The following CSMD3 variants were observed in gnomAD, a reference collection of about 807,000 sequenced individuals.
CSMD3 encodes the protein CUB and Sushi multiple domains 3.
CSMD3 carries 177 observed loss-of-function variants against 435.2 expected under a neutral mutation model. The observed-to-expected ratio is 0.41, with a 90% CI of 0.36 to 0.46. The LOEUF (loss-of-function observed/expected upper bound fraction) is 0.46, where lower values mean the gene tolerates loss of function less well. CSMD3 is among the 20% of genes least tolerant of loss of function. The pLI is 0.34. For missense variants in CSMD3, 4,265 were observed against 4,504.6 expected, an observed-to-expected ratio of 0.95 and a Z score of 1.52; for synonymous variants, 1,656 against 1,520.5, an observed-to-expected ratio of 1.09 and a Z score of -2.07.
intron 9 of CSMD3, among the ~76,000 whole-genome samples, chr8:112,940,590 T>C (rs1426376645): frequency 6.6e-6 from 1 of 151,824 alleles, no homozygotes; most frequent in African/African-American, 2.4e-5. Context: ...ATTTCTCCCT[T>C]TAAAAACTTG....
At chr8:113,297,640 G>A (rs1350599071) in intron 2 of CSMD3, among the ~76,000 whole-genome samples, 2 of 151,990 alleles carry the variant, frequency 1.3e-5, no homozygotes, top group Non-Finnish European at 2.9e-5. Context: ...ATAGTATTAT[G>A]TTAAGTATCA....
intron 31 of CSMD3, among the ~76,000 whole-genome samples, chr8:112,491,397 G>A (rs890048711): frequency 5.3e-5 from 8 of 152,096 alleles, no homozygotes; most frequent in Admixed American, 3.3e-4. Flanking sequence ...GCTCACTCCT[G>A]TAATCCCAGC....
chr8:112,423,235 A>T (rs1812709704), intron 32 of CSMD3, among the ~76,000 whole-genome samples: 3 of 152,168 alleles, frequency 2.0e-5, no homozygotes, highest in Admixed American at 1.3e-4. Flanking sequence ...GAAGGTGAAC[A>T]CTTCTAAATA....
rs1394357887 is a variant in CSMD3, at chr8:113,372,916, G to C, written c.179-58123C>G. On this transcript the variant is annotated intron_variant, in intron 1 of 70. Transcript: ENST00000297405. ...GCCACTGCAGTCCGCAGTCCGGCCT[G>C]GGCGACAGAGCGAGACTCCGTCTCA... Among the ~76,000 whole-genome samples the C allele has an allele frequency of 2.7e-5, 4 of 149,404 alleles. No individual in the cohort carries two copies. The East Asian group carries it at 8.0e-4, about 30-fold the overall frequency.
At chr8:113,256,896 G>GA (rs2093385290) in intron 3 of CSMD3, among the ~76,000 whole-genome samples, 1 of 152,154 alleles carries the variant, frequency 6.6e-6, no homozygotes, top group African/African-American at 2.4e-5. Flanking sequence ...GCAGGCTCCT[G>GA]AGCCCCACTC....
intron 4 of CSMD3, among the ~76,000 whole-genome samples, chr8:113,169,175 T>G (rs922753720): frequency 4.6e-5 from 7 of 152,164 alleles, no homozygotes; most frequent in Non-Finnish European, 1.0e-4. Context: ...AAGCTGCTGT[T>G]CTTATTTCAT....
intron 11 of CSMD3, among the ~76,000 whole-genome samples, chr8:112,830,765 C>G (rs1397861147): frequency 6.9e-6 from 1 of 145,246 alleles, no homozygotes; most frequent in African/African-American, 2.5e-5. Flanking sequence ...TATATCTTGG[C>G]TTTTTTTTGT....
At chr8:112,600,176 G>T (rs1832200164) in intron 22 of CSMD3, among the ~76,000 whole-genome samples, 1 of 151,694 alleles carries the variant, frequency 6.6e-6, no homozygotes, top group Non-Finnish European at 1.5e-5. Flanking sequence ...CTCAAGACAT[G>T]GATTTAAATT....
intron 31 of CSMD3, among the ~76,000 whole-genome samples, chr8:112,487,753 T>A (rs1266300072): frequency 6.6e-6 from 1 of 152,230 alleles, no homozygotes; most frequent in East Asian, 1.9e-4. Context: ...CAAGGCAACA[T>A]GATTAGGTCA....
Position 112,975,860 on chromosome 8 carries a change from T to C in CSMD3, c.1319A>G (p.Glu440Gly), listed in dbSNP as rs2130931680. 2.5e-6 allele frequency: 4 copies of C among 1,613,530 alleles called. No individual in the cohort carries two copies. Among genetic ancestry groups the C allele is most frequent in the South Asian group, 2.2e-5 (2 of 91,068 alleles). ...ACCTCTATGAGTAACAACTGCAAGC[T>C]CTTTAGTTCTTTCTATCTGTTCAGC... ...RHAEQIERTKELAVVTHRVKK... is the reference protein window; with the variant it reads ...RHAEQIERTKGLAVVTHRVKK... Residue 440 changes from glutamate to glycine, a missense_variant, in exon 7 of 71, where the codon GAG becomes GGG. Around this residue, in one of 3 missense-constraint regions of CSMD3, gnomAD observed 731 missense variants for 755.4 expected, o/e 0.97. Transcript: ENST00000297405.
intron 4 of CSMD3, among the ~76,000 whole-genome samples, chr8:113,102,182 G>C (rs576573869): frequency 6.6e-6 from 1 of 152,026 alleles, no homozygotes; most frequent in African/African-American, 2.4e-5. Context: ...CAGCCTCCAG[G>C]CTTGCTTGAT....
Position 112,337,705 on chromosome 8 carries a change from G to C in CSMD3, c.6679C>G (p.Pro2227Ala), listed in dbSNP as rs1483764851. ...ACAAAACCATTTCGAAACGGGCGTG[G>C]ATCAGGACAGCTTTGCAACTGATAG... is the stretch of plus-strand genomic sequence containing the variant. ...QAYQLQSCPD[P>A]RPFRNGFVIG... Residue 2227 changes from proline to alanine, a missense_variant, in exon 43 of 71, where the codon CCA becomes GCA. Around this residue, in one of 3 missense-constraint regions of CSMD3, gnomAD observed 3,255 missense variants for 3,380.2 expected, o/e 0.96. Coordinates refer to ENST00000297405, the MANE Select transcript of CSMD3 (RefSeq NM_198123.2). The C allele has an allele frequency of 1.9e-6, 3 of 1,613,548 alleles. No homozygotes were observed. Among genetic ancestry groups the C allele is most frequent in the African/African-American group, 1.3e-5 (1 of 74,898 alleles).
intron 1 of CSMD3, among the ~76,000 whole-genome samples, chr8:113,319,218 A>C (rs1185009695): frequency 1.3e-5 from 2 of 152,078 alleles, no homozygotes; most frequent in Non-Finnish European, 2.9e-5. Flanking sequence ...CCCTGACAAC[A>C]ATTGTTATCT....
chr8:113,187,023 T>C (rs755547218), intron 3 of CSMD3, among the ~76,000 whole-genome samples: 9 of 151,990 alleles, frequency 5.9e-5, no homozygotes, highest in Non-Finnish European at 1.0e-4. Context: ...TGGATTTACA[T>C]ACCTTCTGTT....
In CSMD3 at chr8:112,265,477, T is replaced by A. The variant is rs1816853982; in HGVS notation, c.9622A>T (p.Asn3208Tyr). 6 of 1,613,764 alleles carry A rather than the reference T, an allele frequency of 3.7e-6. No individual in the cohort carries two copies. Among genetic ancestry groups the A allele is most frequent in the Non-Finnish European group, 5.1e-6 (6 of 1,179,714 alleles). Residue 3208 changes from asparagine to tyrosine, a missense_variant, in exon 60 of 71, where the codon AAT (asparagine) becomes TAT (tyrosine). Asn to Tyr is a moderately radical substitution (Grantham distance 143). Transcript: ENST00000297405. Reference sequence around the variant, plus strand: ...GTACAAGTCCTGATTCTGGAGCCATTCAATTCCATCGTGTAGCCTGGCTGG... The same window carrying A: ...GTACAAGTCCTGATTCTGGAGCCATACAATTCCATCGTGTAGCCTGGCTGG... ...MCQPGYTMEL[N>Y]GSRIRTCTIN...
intron 5 of CSMD3, among the ~76,000 whole-genome samples, chr8:113,070,238 A>C (rs2131400430): frequency 6.6e-6 from 1 of 152,198 alleles, no homozygotes; most frequent in South Asian, 2.1e-4. Context: ...TTGTACATAA[A>C]TTCCACAGGC....
chr8:112,996,112 A>G (rs1323057470), intron 6 of CSMD3, among the ~76,000 whole-genome samples: 1 of 151,490 alleles, frequency 6.6e-6, no homozygotes, highest in Non-Finnish European at 1.5e-5. Flanking sequence ...TTATGTGGTG[A>G]GAACACTTAA....
At chr8:112,665,956 GAGCAGAA>G (rs2075513370) in intron 17 of CSMD3, among the ~76,000 whole-genome samples, 1 of 152,028 alleles carries the variant, frequency 6.6e-6, no homozygotes, top group African/African-American at 2.4e-5. Context: ...AAACCTAGCA[GAGCAGAA>G]TTCACAGGCC....
intron 5 of CSMD3, among the ~76,000 whole-genome samples, chr8:113,040,543 C>T (rs2087562347): frequency 6.6e-6 from 1 of 152,064 alleles, no homozygotes; most frequent in African/African-American, 2.4e-5. Context: ...TGCTTTCTGA[C>T]TTAATTTTGC....
Sources: gnomAD v4.1 joint callset for allele counts (sites outside exome capture counted in the v4.1 genomes callset) on GRCh38, gnomAD v4.1.1 for gene constraint, gnomAD v4.1.1 regional missense constraint, MANE v1.5 for transcripts, NCBI Gene and HGNC (gene_info 2026-07-23, HGNC 2026-07-21) for gene names.